C1QL3: variants seen among roughly 807,000 people sequenced by gnomAD.
C1QL3 encodes complement C1q-like protein 3.
In C1QL3, 4 loss-of-function variants were observed where a neutral mutation model predicts 16.6. That is an observed-to-expected ratio of 0.24 (90% CI 0.12 to 0.55). The LOEUF (loss-of-function observed/expected upper bound fraction) is 0.55. Among genes scored for constraint, C1QL3 ranks in the 20% least tolerant of loss-of-function variants. The pLI, the probability that C1QL3 is intolerant of heterozygous loss-of-function variation, is 0.94. For missense variants in C1QL3, 269 were observed against 365.6 expected, an observed-to-expected ratio of 0.74 and a Z score of 2.16; for synonymous variants, 189 against 160.2, an observed-to-expected ratio of 1.18 and a Z score of -1.36.
In C1QL3 at chr10:16,521,118, C is replaced by A. The variant is rs1370050644; in HGVS notation, c.-53G>T. 1.4e-6 allele frequency: 2 copies of A among 1,479,944 alleles called. No individual in the cohort carries two copies. Among genetic ancestry groups the A allele is most frequent in the Non-Finnish European group, 1.8e-6 (2 of 1,091,504 alleles). The allele number at this position is 1,479,944 out of a possible 1,614,324, so 91.7% of individuals were successfully genotyped here. Reference sequence around the variant, plus strand: ...CAGGCGCCTCCTGCTGCCCACCAGCCGGCTCAGCGCGGGGCGATCCTCTTG... The same window carrying A: ...CAGGCGCCTCCTGCTGCCCACCAGCAGGCTCAGCGCGGGGCGATCCTCTTG... On this transcript the variant is annotated 5_prime_UTR_variant, in exon 1 of 2. Transcript: ENST00000298943.
At position 16,514,265 on chromosome 10, in the gene C1QL3, A is replaced by G; in HGVS notation, c.*263T>C. 1 of 546,202 alleles carries G rather than the reference A, an allele frequency of 1.8e-6. No homozygotes were observed. The highest frequency in any genetic ancestry group is 2.9e-5 in the East Asian group (1 of 34,628). 33.8% of individuals were successfully genotyped at this position (546,202 alleles called of 1,614,324 possible). On this transcript the variant is annotated 3_prime_UTR_variant, in exon 2 of 2. Transcript: ENST00000298943. ...TTGTCTATAAAAATTTGTGATCTAT[A>G]TAGGACTTCATTCACATGGACACTA...
intron 1 of C1QL3, among the ~76,000 whole-genome samples, chr10:16,515,288 C>T (rs1036610328): frequency 6.6e-6 from 1 of 151,624 alleles, no homozygotes; most frequent in African/African-American, 2.4e-5. Context: ...ATGTAAAGCC[C>T]CCTTTACCAG....
At chr10:16,519,158 TGGTCTTTCAC>T (rs1836998720) in intron 1 of C1QL3, among the ~76,000 whole-genome samples, 15 of 142,700 alleles carry the variant, frequency 1.1e-4, no homozygotes, top group Admixed American at 2.1e-4. Flanking sequence ...TTTTTTTTTT[TGGTCTTTCAC>T]TTTTGAAAGA....
intron 1 of C1QL3, among the ~76,000 whole-genome samples, chr10:16,519,140 C>CTTTTTTGTTTTTTTTTTTTTTTTTTTT (rs1836996831): frequency 5.1e-5 from 2 of 39,476 alleles, no homozygotes; most frequent in Non-Finnish European, 4.4e-5. Flanking sequence ...GCATTTAGGA[C>CTTTTTTGTTTTTTTTTTTTTTTTTTTT]TTTTTTTTTT....
intron 1 of C1QL3, among the ~76,000 whole-genome samples, chr10:16,515,170 T>C (rs1836930374): frequency 6.6e-6 from 1 of 151,198 alleles, no homozygotes; most frequent in Admixed American, 6.6e-5. Flanking sequence ...AAAATTGAGG[T>C]ATGTAATAGC....
rs986281101 is a variant in C1QL3 at position 16,521,601 on chromosome 10, G to T, written c.-536C>A. The T allele has an allele frequency of 1.3e-5, 2 of 152,492 alleles. No homozygotes were observed. Among genetic ancestry groups the T allele is most frequent in the Non-Finnish European group, 2.9e-5 (2 of 68,394 alleles). 9.4% of individuals were successfully genotyped at this position (152,492 alleles called of 1,614,324 possible). A position where few individuals can be genotyped will look rare whatever the true frequency, so the allele number is the denominator to read the frequency against. On this transcript the variant is annotated 5_prime_UTR_variant, in exon 1 of 2. Coordinates refer to ENST00000298943, the MANE Select transcript of C1QL3 (RefSeq NM_001010908.2). ...TCCTCTTCTTTCGCTCGCTCAGTTC[G>T]CCCGTCCGCTGCCTTTTTTTTTTAT...
Position 16,521,188 on chromosome 10 carries a change from A to G in C1QL3, c.-123T>C, listed in dbSNP as rs902034751. ...TTGAAGGTTGGGCGGGGACCTCTTC[A>G]GAGCCGAAAACAACCCCCTGCGAAC... On this transcript the variant is annotated 5_prime_UTR_variant, in exon 1 of 2. Coordinates refer to ENST00000298943, the MANE Select transcript of C1QL3 (RefSeq NM_001010908.2). 8.7e-6 allele frequency: 8 copies of G among 915,348 alleles called. No individual in the cohort carries two copies. Among genetic ancestry groups the G allele is most frequent in the South Asian group, 8.2e-5 (5 of 60,858 alleles). The allele number at this position is 915,348 out of a possible 1,614,324, so 56.7% of individuals were successfully genotyped here.
At position 16,520,806 on chromosome 10, in the gene C1QL3, A is replaced by T; in HGVS notation, c.260T>A (p.Met87Lys). Reference protein sequence around the residue: ...PPGEPGPPGPMGPPGEKGEPG... With the variant: ...PPGEPGPPGPKGPPGEKGEPG... Reference sequence around the variant, plus strand: ...CTCGCCCTTCTCGCCCGGGGGCCCCATGGGGCCGGGTGGCCCGGGCTCTCC... The same window carrying T: ...CTCGCCCTTCTCGCCCGGGGGCCCCTTGGGGCCGGGTGGCCCGGGCTCTCC... The change falls in exon 1 of 2, where the codon ATG becomes AAG. Residue 87 changes from methionine to lysine, a missense_variant. Coordinates refer to ENST00000298943, the MANE Select transcript of C1QL3 (RefSeq NM_001010908.2). The surrounding 1 kb of genome is among the most constrained non-coding windows in gnomAD (Gnocchi z 8.3). 1 of 1,314,046 alleles carries T rather than the reference A, an allele frequency of 7.6e-7. No individual in the cohort carries two copies. The highest frequency in any genetic ancestry group is 1.6e-5 in the African/African-American group (1 of 64,390). 81.4% of individuals were successfully genotyped at this position (1,314,046 alleles called of 1,614,324 possible).
At chr10:16,519,327 G>T (rs1837002191) in intron 1 of C1QL3, among the ~76,000 whole-genome samples, 1 of 151,428 alleles carries the variant, frequency 6.6e-6, no homozygotes, top group African/African-American at 2.4e-5. Context: ...CAGGAGAGGA[G>T]GTCTCTTGAT....
intron 1 of C1QL3, among the ~76,000 whole-genome samples, chr10:16,517,541 A>G (rs1445892993): frequency 6.6e-6 from 1 of 152,224 alleles, no homozygotes; most frequent in Non-Finnish European, 1.5e-5. Flanking sequence ...TAAAAGGATT[A>G]TCAACATTAA....
At chr10:16,519,292 A>T (rs1837001327) in intron 1 of C1QL3, among the ~76,000 whole-genome samples, 1 of 151,714 alleles carries the variant, frequency 6.6e-6, no homozygotes, top group Non-Finnish European at 1.5e-5. Context: ...AAAGCCCAAT[A>T]GACCTCGTTA....
rs931204740 is a variant in C1QL3, at chr10:16,513,982, T to G, written c.*546A>C. On this transcript the variant is annotated 3_prime_UTR_variant, in exon 2 of 2. Transcript: ENST00000298943. ...GAAAATTCCAGGTTAAGGCTTGAAG[T>G]TGAATCATTCCCAGGTCTAGCTCTA... The G allele has an allele frequency of 4.3e-6, 1 of 232,802 alleles. No homozygotes were observed. The highest frequency in any genetic ancestry group is 8.2e-6 in the Non-Finnish European group (1 of 121,312). 14.4% of individuals were successfully genotyped at this position (232,802 alleles called of 1,614,324 possible). A position where few individuals can be genotyped will look rare whatever the true frequency, so the allele number is the denominator to read the frequency against.
At chr10:16,517,206 T>C (rs1212294317) in intron 1 of C1QL3, among the ~76,000 whole-genome samples, 2 of 152,202 alleles carry the variant, frequency 1.3e-5, no homozygotes, top group Admixed American at 6.5e-5. Flanking sequence ...GAATTTACTC[T>C]AATATCTTTT....
At position 16,520,449 on chromosome 10, in the gene C1QL3, C is replaced by G. The variant is rs367914896; in HGVS notation, c.588+29G>C. On this transcript the variant is annotated intron_variant, in intron 1 of 1. Coordinates refer to ENST00000298943, the MANE Select transcript of C1QL3 (RefSeq NM_001010908.2). The surrounding 1 kb of genome is among the most constrained non-coding windows in gnomAD (Gnocchi z 8.3). ...CCCGCACCTTCCCGCGCTCCCTCCC[C>G]GCCCTCCCCGCCGCCCGCCCGCGCT... is the stretch of plus-strand genomic sequence containing the variant. 109 of 1,229,456 alleles carry G rather than the reference C, an allele frequency of 8.9e-5. 1 individual carries two copies. The African/African-American group carries it at 1.5e-3, about 16-fold the overall frequency. The allele number at this position is 1,229,456 out of a possible 1,614,324, so 76.2% of individuals were successfully genotyped here.
At chr10:16,514,817 G>T in intron 1 of C1QL3, 110 bp from the exon 2 acceptor site, 1 of 754,556 alleles carries the variant, frequency 1.3e-6, no homozygotes, top group Non-Finnish European at 2.1e-6. Flanking sequence ...ACAGAATTTA[G>T]CATAGCAAAG....
Position 16,517,834 on chromosome 10 carries a change from T to G in C1QL3, c.588+2644A>C, listed in dbSNP as rs193266204. ...GATGTTCTCGTAATTTCATTTTCATTGTACTTCTGTGGAATCATAAACAAA... is the reference window on the plus strand; with the variant it reads ...GATGTTCTCGTAATTTCATTTTCATGGTACTTCTGTGGAATCATAAACAAA... On this transcript the variant is annotated intron_variant, in intron 1 of 1. Coordinates refer to ENST00000298943, the MANE Select transcript of C1QL3 (RefSeq NM_001010908.2). 6.0e-3 allele frequency among the ~76,000 whole-genome samples: 917 copies of G among 152,374 alleles called. 6 individuals are homozygous for G. Among genetic ancestry groups the G allele is most frequent in the Admixed American group, 0.012 (183 of 15,306 alleles).
intron 1 of C1QL3, among the ~76,000 whole-genome samples, chr10:16,514,992 G>C (rs1165700533): frequency 6.6e-6 from 1 of 152,014 alleles, no homozygotes; most frequent in African/African-American, 2.4e-5. Context: ...TTATCTTCCT[G>C]TATCACTCGT....
rs1836912546 is a variant in C1QL3 at position 16,514,210 on chromosome 10, A to G, written c.*318T>C. 2 of 430,574 alleles carry G rather than the reference A, an allele frequency of 4.6e-6. No homozygotes were observed. Among genetic ancestry groups the G allele is most frequent in the Middle Eastern group, 5.8e-4 (1 of 1,718 alleles). The allele number at this position is 430,574 out of a possible 1,614,324, so 26.7% of individuals were successfully genotyped here. On this transcript the variant is annotated 3_prime_UTR_variant, in exon 2 of 2. Coordinates refer to ENST00000298943, the MANE Select transcript of C1QL3 (RefSeq NM_001010908.2). ...ATCACAGTACACCAAAGTATCATAT[A>G]TATAGAAGAAATAATTCAATGTCTT...
rs775421621 is a variant in C1QL3 at position 16,520,462 on chromosome 10, G to A, written c.588+16C>T. The A allele has an allele frequency of 7.0e-6, 3 of 431,544 alleles. No individual in the cohort carries two copies. The highest frequency in any genetic ancestry group is 3.0e-5 in the South Asian group (1 of 33,614). The allele number at this position is 431,544 out of a possible 1,614,324, so 26.7% of individuals were successfully genotyped here. On this transcript the variant is annotated intron_variant, in intron 1 of 1. Transcript: ENST00000298943. This position sits in a 1 kb window ranked among gnomAD's most constrained non-coding sequence, Gnocchi z 8.3. ...GCGCTCCCTCCCCGCCCTCCCCGCC[G>A]CCCGCCCGCGCTCACCTGGTTGTTT...
Sources: gnomAD v4.1 joint callset for allele counts (sites outside exome capture counted in the v4.1 genomes callset) on GRCh38, gnomAD v4.1.1 for gene constraint, Gnocchi (gnomAD v3.1) non-coding constraint, MANE v1.5 for transcripts, NCBI Gene and HGNC (gene_info 2026-07-23, HGNC 2026-07-21) for gene names.